The following MSI2 variants were observed in gnomAD, a reference collection of about 807,000 sequenced individuals.
MSI2 encodes RNA-binding protein Musashi homolog 2.
MSI2 carries 17 observed loss-of-function variants against 45.6 expected under a neutral mutation model. The observed-to-expected ratio is 0.37, with a 90% CI of 0.26 to 0.56. The LOEUF is 0.56. Among genes scored for constraint, MSI2 ranks in the 20% least tolerant of loss-of-function variants. The pLI is 0.77. For missense variants in MSI2, 293 were observed against 444.2 expected (o/e 0.66, Z 3.06); for synonymous variants, 156 against 158.2 (o/e 0.99, Z 0.11).
intron 5 of MSI2, among the ~76,000 whole-genome samples, chr17:57,307,999 A>G (rs1014358880): frequency 6.6e-6 from 1 of 152,222 alleles, no homozygotes; most frequent in African/African-American, 2.4e-5. Context: ...GACGATGCTC[A>G]GTCAATGCAT....
chr17:57,300,131 C>T (rs1371704400), intron 5 of MSI2, among the ~76,000 whole-genome samples: 1 of 152,198 alleles, frequency 6.6e-6, no homozygotes, highest in African/African-American at 2.4e-5. Flanking sequence ...ACTCCATAGG[C>T]ACTCCTTGCC....
chr17:57,501,324 A>G (rs578193490), intron 6 of MSI2, among the ~76,000 whole-genome samples: 6 of 152,342 alleles, frequency 3.9e-5, no homozygotes, highest in African/African-American at 1.4e-4. Context: ...CCTCTGCCAG[A>G]CGTGTCAAAA....
intron 6 of MSI2, among the ~76,000 whole-genome samples, chr17:57,482,295 G>T (rs750547495): frequency 6.6e-6 from 1 of 152,178 alleles, no homozygotes; most frequent in Non-Finnish European, 1.5e-5. Flanking sequence ...AACACCATCG[G>T]CTCACAGTTG....
At chr17:57,545,759 G>T (rs1054866124) in intron 7 of MSI2, among the ~76,000 whole-genome samples, 1 of 152,148 alleles carries the variant, frequency 6.6e-6, no homozygotes, top group African/African-American at 2.4e-5. Flanking sequence ...TTATTATTAT[G>T]ACGACTGGAG....
chr17:57,501,005 G>A (rs970408023), intron 6 of MSI2, among the ~76,000 whole-genome samples: 3 of 151,908 alleles, frequency 2.0e-5, no homozygotes, highest in Non-Finnish European at 4.4e-5. Flanking sequence ...AATAATGGCA[G>A]CATCAAGAGC....
At chr17:57,512,691 G>A (rs1343338164) in intron 6 of MSI2, among the ~76,000 whole-genome samples, 8 of 152,132 alleles carry the variant, frequency 5.3e-5, no homozygotes, top group Non-Finnish European at 7.3e-5. Flanking sequence ...GGCAGGACAC[G>A]GCTGCCTCCC....
chr17:57,632,853 A>C (rs1909518353), intron 10 of MSI2: 1 of 1,064,286 alleles, frequency 9.4e-7, no homozygotes, highest in African/African-American at 1.6e-5. Flanking sequence ...ATTGTCCTTG[A>C]GACCCTACAT....
At chr17:57,579,283 G>A (rs1200694738) in intron 7 of MSI2, among the ~76,000 whole-genome samples, 1 of 152,226 alleles carries the variant, frequency 6.6e-6, no homozygotes, top group Non-Finnish European at 1.5e-5. Context: ...CCGTAACATG[G>A]CTATCTGTGC....
At chr17:57,385,658 C>G (rs1393209548) in intron 5 of MSI2, among the ~76,000 whole-genome samples, 2 of 151,978 alleles carry the variant, frequency 1.3e-5, no homozygotes, top group Non-Finnish European at 2.9e-5. Context: ...TCTCAAAAAA[C>G]AAAAAACAAA....
chr17:57,473,399 C>G (rs900793216), intron 6 of MSI2, among the ~76,000 whole-genome samples: 1 of 152,222 alleles, frequency 6.6e-6, no homozygotes, highest in Non-Finnish European at 1.5e-5. Flanking sequence ...GGCACAAATG[C>G]TTCTAGTTAG....
chr17:57,552,302 C>T lies in MSI2; in HGVS notation c.454+22578C>T, dbSNP rs1177973672. 6.6e-6 allele frequency among the ~76,000 whole-genome samples: 1 copy of T among 152,188 alleles called. No homozygotes were observed. The highest frequency in any genetic ancestry group is 1.5e-5 in the Non-Finnish European group (1 of 68,042). On this transcript the variant is annotated intron_variant, in intron 7 of 13. Transcript: ENST00000284073. The surrounding 1 kb of genome is among the most constrained non-coding windows in gnomAD (Gnocchi z 4.3). The stretch of plus-strand genomic sequence containing the variant: ...TTCACTGGTCTGTAATTCCTGACTC[C>T]CTTCCTGAGAGAGTCCTGGGAACTG...
upstream of MSI2, among the ~76,000 whole-genome samples, chr17:57,256,255 T>A (rs917825093): frequency 6.6e-5 from 10 of 151,280 alleles, no homozygotes; most frequent in African/African-American, 2.4e-4. Context: ...CCCCTCGCCC[T>A]GCGCCCTGCC....
intron 5 of MSI2, among the ~76,000 whole-genome samples, chr17:57,312,998 C>T (rs765986379): frequency 5.3e-5 from 8 of 152,158 alleles, no homozygotes; most frequent in Non-Finnish European, 1.0e-4. Context: ...AGGCGTGTGC[C>T]ACCATGCCCG....
intron 9 of MSI2, among the ~76,000 whole-genome samples, chr17:57,619,974 G>C (rs947584106): frequency 6.6e-6 from 1 of 152,224 alleles, no homozygotes; most frequent in African/African-American, 2.4e-5. Context: ...CCTTTTGCCT[G>C]CTGTAGCTGT....
chr17:57,317,506 CTTT>C (rs921448429), intron 5 of MSI2, among the ~76,000 whole-genome samples: 6 of 94,538 alleles, frequency 6.3e-5, no homozygotes, highest in African/African-American at 2.3e-4. Flanking sequence ...TATAGTTTTG[CTTT>C]TTTTTTTTTT....
At chr17:57,494,743 G>A (rs1178053745) in intron 6 of MSI2, among the ~76,000 whole-genome samples, 1 of 151,924 alleles carries the variant, frequency 6.6e-6, no homozygotes, top group Admixed American at 6.6e-5. Flanking sequence ...AACTTGTCCC[G>A]GACCACACAC....
chr17:57,605,180 G>A (rs1276500720), intron 8 of MSI2, among the ~76,000 whole-genome samples: 2 of 152,224 alleles, frequency 1.3e-5, no homozygotes, highest in Non-Finnish European at 2.9e-5. Context: ...TGGTGTTTAC[G>A]TGGGAGAGGG....
At chr17:57,494,892 G>A (rs886280937) in intron 6 of MSI2, among the ~76,000 whole-genome samples, 4 of 152,070 alleles carry the variant, frequency 2.6e-5, no homozygotes, top group Admixed American at 6.5e-5. Context: ...CAACTCAAGC[G>A]GAGGGAGGTA....
At chr17:57,598,165 T>G (rs998940160) in intron 8 of MSI2, among the ~76,000 whole-genome samples, 1 of 152,224 alleles carries the variant, frequency 6.6e-6, no homozygotes, top group Non-Finnish European at 1.5e-5. Context: ...ACATTTTGGT[T>G]GGCCACGAGA....
Sources: gnomAD v4.1 joint callset for allele counts (sites outside exome capture counted in the v4.1 genomes callset) on GRCh38, gnomAD v4.1.1 for gene constraint, Gnocchi (gnomAD v3.1) non-coding constraint, MANE v1.5 for transcripts, NCBI Gene and HGNC (gene_info 2026-07-23, HGNC 2026-07-21) for gene names.